NUP42: variants seen among roughly 807,000 people sequenced by gnomAD.
NUP42 encodes nucleoporin 42.
Under a neutral mutation model 35.9 loss-of-function variants are expected in NUP42, and 47 were observed. The ratio of observed to expected loss-of-function variants is 1.31; its 90% CI spans 1.04 to 1.67. The LOEUF (loss-of-function observed/expected upper bound fraction) is 1.67. Ranked by LOEUF, NUP42 falls within the 40% of genes most tolerant of loss-of-function variation. NUP42 has a pLI of 0.00. For missense variants in NUP42, 514 were observed against 492.2 expected (o/e 1.04, Z -0.42); for synonymous variants, 173 against 173.3 (o/e 1.00, Z 0.01).
intron 1 of NUP42, among the ~76,000 whole-genome samples, chr7:23,184,133 G>T (rs1785512178): frequency 6.6e-6 from 1 of 151,998 alleles, no homozygotes; most frequent in Non-Finnish European, 1.5e-5. Context: ...GGCTCATTTT[G>T]ATATTTATGA....
intron 3 of NUP42, among the ~76,000 whole-genome samples, chr7:23,190,495 T>C (rs1039208213): frequency 6.6e-6 from 1 of 152,240 alleles, no homozygotes; most frequent in Admixed American, 6.5e-5. Flanking sequence ...TCATTTCAAA[T>C]GTGGTAATTA....
intron 3 of NUP42, among the ~76,000 whole-genome samples, chr7:23,192,851 C>G (rs1014641571): frequency 6.6e-6 from 1 of 152,096 alleles, no homozygotes; most frequent in African/African-American, 2.4e-5. Context: ...TATATGTATA[C>G]CTATGTGTCC....
At chr7:23,189,187 T>C (rs1473425604) in intron 3 of NUP42, among the ~76,000 whole-genome samples, 1 of 152,176 alleles carries the variant, frequency 6.6e-6, no homozygotes, top group African/African-American at 2.4e-5. Context: ...AAGAAAACAG[T>C]TGATAGTGTT....
rs1338876319 is a variant in NUP42 at position 23,185,245 on chromosome 7, G to A, written c.297G>A (p.Glu99=). 7 of 1,613,990 alleles carry A rather than the reference G, an allele frequency of 4.3e-6. No individual in the cohort carries two copies. The highest frequency in any genetic ancestry group is 5.1e-6 in the Non-Finnish European group (6 of 1,180,024). ...TNRKEGFGLS[E]NPFASLSPDE... The stretch of plus-strand genomic sequence containing the variant: ...GGAAGGAAGGCTTTGGATTGTCTGA[G>A]AACCCATTTGCTTCACTTAGTCCTG... Residue 99 remains glutamate (E), a synonymous_variant, in exon 2 of 7, where the codon GAG becomes GAA. Coordinates refer to ENST00000258742, the MANE Select transcript of NUP42 (RefSeq NM_007342.3).
In NUP42 at chr7:23,185,762, C is replaced by T. The variant is rs547305320; in HGVS notation, c.350+464C>T. 2.2e-4 allele frequency among the ~76,000 whole-genome samples: 33 copies of T among 152,024 alleles called. 1 individual carries two copies. Among genetic ancestry groups the T allele is most frequent in the Non-Finnish European group, 3.8e-4 (26 of 68,010 alleles). ...ATTTATTTATTTATTTATTTTGAGACGGAGTCTTGCTCTGTTGCCCAGGCT... is the reference window on the plus strand; with the variant it reads ...ATTTATTTATTTATTTATTTTGAGATGGAGTCTTGCTCTGTTGCCCAGGCT... On this transcript the variant is annotated intron_variant, in intron 2 of 6. Coordinates refer to ENST00000258742, the MANE Select transcript of NUP42 (RefSeq NM_007342.3).
chr7:23,192,559 A>AAAAG (rs1785834793), intron 3 of NUP42, among the ~76,000 whole-genome samples: 1 of 151,768 alleles, frequency 6.6e-6, no homozygotes, highest in Non-Finnish European at 1.5e-5. Context: ...AAAAAAAAAA[A>AAAAG]AAAAGAAAAA....
Position 23,199,521 on chromosome 7 carries a change from G to T in NUP42, c.673G>T (p.Ala225Ser), listed in dbSNP as rs371504782. The T allele has an allele frequency of 1.7e-5, 27 of 1,613,786 alleles. No individual in the cohort carries two copies. The highest frequency in any genetic ancestry group is 2.3e-5 in the Non-Finnish European group (27 of 1,179,886). Reference protein sequence around the residue: ...APAFGFGSSQAATFMSPGFPV... With the variant: ...APAFGFGSSQSATFMSPGFPV... ...TGCATTTGGATTTGGCAGCAGTCAA[G>T]CAGCAACATTTATGTCGCCAGGTAA... is the stretch of plus-strand genomic sequence containing the variant. The change falls in exon 6 of 7, where the codon GCA becomes TCA. Residue 225 changes from alanine to serine, a missense_variant. Physicochemically the swap from Ala to Ser is moderately conservative, Grantham distance 99 (BLOSUM62 1). Transcript: ENST00000258742.
rs1434848231 is a variant in NUP42 at position 23,182,309 on chromosome 7, C to G, written c.121+103C>G. ...CCCGCTGCTGGTGACCCCAACGTGCCCGCGTCGCGGCCTTGCCGGCCCTAC... is the reference window on the plus strand; with the variant it reads ...CCCGCTGCTGGTGACCCCAACGTGCGCGCGTCGCGGCCTTGCCGGCCCTAC... On this transcript the variant is annotated intron_variant, in intron 1 of 6. Transcript: ENST00000258742. The G allele has an allele frequency of 2.0e-6, 3 of 1,501,444 alleles. No homozygotes were observed. The Admixed American group carries it at 6.5e-5, about 32-fold the overall frequency. 93.0% of individuals were successfully genotyped at this position (1,501,444 alleles called of 1,614,324 possible).
chr7:23,192,088 TAC>T (rs1437778712), intron 3 of NUP42, among the ~76,000 whole-genome samples: 4 of 152,186 alleles, frequency 2.6e-5, no homozygotes, highest in Non-Finnish European at 2.9e-5. Context: ...TCGAAACATA[TAC>T]ACACACAAAC....
intron 3 of NUP42, among the ~76,000 whole-genome samples, chr7:23,189,917 A>G (rs2128473413): frequency 6.6e-6 from 1 of 151,528 alleles, no homozygotes; most frequent in South Asian, 2.1e-4. Flanking sequence ...TGTCTCAAAA[A>G]AAAAAAAAAA....
At position 23,200,027 on chromosome 7, in the gene NUP42, T is replaced by G; in HGVS notation, c.695-141T>G. 7.8e-6 allele frequency: 5 copies of G among 644,214 alleles called. No individual in the cohort carries two copies. In the East Asian group the frequency reaches 1.4e-4, roughly 18 times the overall value. 39.9% of individuals were successfully genotyped at this position (644,214 alleles called of 1,614,324 possible). On this transcript the variant is annotated intron_variant, in intron 6 of 6. Coordinates refer to ENST00000258742, the MANE Select transcript of NUP42 (RefSeq NM_007342.3). Reference sequence around the variant, plus strand: ...TTCTAGCCTCTCATTTTTACTTTCCTCATCTCGTCCGTCCAGTAAGCTTCT... The same window carrying G: ...TTCTAGCCTCTCATTTTTACTTTCCGCATCTCGTCCGTCCAGTAAGCTTCT...
In NUP42 at chr7:23,198,072, C is replaced by G. The variant is rs990170138; in HGVS notation, c.609+1306C>G. 11 of 152,192 alleles carry G rather than the reference C, an allele frequency of 7.2e-5. No individual in the cohort carries two copies. In the East Asian group the frequency reaches 1.9e-3, roughly 27 times the overall value. The allele number at this position is 152,192 out of a possible 1,614,324, so 9.4% of individuals were successfully genotyped here. ...GACCAGCCTGACCAACATGGTGAAA[C>G]CCGGTCTCTACTAAAAATACAAAAA... On this transcript the variant is annotated intron_variant, in intron 5 of 6. Transcript: ENST00000258742.
chr7:23,199,571 C>G (rs770680270), intron 6 of NUP42, 29 bp downstream of exon 6: 1 of 1,559,738 alleles, frequency 6.4e-7, no homozygotes, highest in South Asian at 1.1e-5. Context: ...CAGGACTTCA[C>G]TGATTTAGAA....
At chr7:23,190,930 T>C (rs1374748142) in intron 3 of NUP42, among the ~76,000 whole-genome samples, 1 of 152,158 alleles carries the variant, frequency 6.6e-6, no homozygotes, top group Non-Finnish European at 1.5e-5. Context: ...CTGGAAGGAA[T>C]AGGCAATTAG....
Position 23,200,340 on chromosome 7 carries a change from A to T in NUP42, c.867A>T (p.Gly289=), listed in dbSNP as rs201736904. 12 of 1,610,664 alleles carry T rather than the reference A, an allele frequency of 7.5e-6. No individual in the cohort carries two copies. The East Asian group carries it at 2.5e-4, about 33-fold the overall frequency. The change falls in exon 7 of 7, where the codon GGA becomes GGT. Residue 289 remains glycine (G), a synonymous_variant. Coordinates refer to ENST00000258742, the MANE Select transcript of NUP42 (RefSeq NM_007342.3). The stretch of plus-strand genomic sequence containing the variant: ...TCTCTACTTCTGCTCCAGCTTTTGG[A>T]TTTGGGAAGCCTGAAGTCACATCGG... ...SGISTSAPAF[G]FGKPEVTSAA...
chr7:23,183,510 C>T (rs1051890578), intron 1 of NUP42, among the ~76,000 whole-genome samples: 3 of 152,126 alleles, frequency 2.0e-5, no homozygotes, highest in Non-Finnish European at 4.4e-5. Flanking sequence ...CGTGAGCGAC[C>T]GCGGCGGGCC....
At position 23,200,626 on chromosome 7, in the gene NUP42, G is replaced by A. The variant is rs1398555170; in HGVS notation, c.1153G>A (p.Val385Met). The change falls in exon 7 of 7, where the codon GTG (valine) becomes ATG (methionine). Residue 385 changes from valine to methionine, a missense_variant. Transcript: ENST00000258742. ...AAGCAGCATCATTGCAACAGATAAT[G>A]TGTTATTCACACCCAGAGATAAACT... ...ASSSIIATDN[V>M]LFTPRDKLTV... is the part of the protein sequence containing the mutation. The A allele has an allele frequency of 6.2e-7, 1 of 1,613,992 alleles. No individual in the cohort carries two copies. The highest frequency in any genetic ancestry group is 2.2e-5 in the East Asian group (1 of 44,892).
chr7:23,198,205 C>CTTTTTTTTTTTTTTTTTTTTTT lies in NUP42; in HGVS notation c.610-1249_610-1228dup, dbSNP rs1172738995. 4.1e-5 allele frequency: 3 copies of CTTTTTTTTTTTTTTTTTTTTTT among 73,678 alleles called. 1 individual carries two copies. Among genetic ancestry groups the CTTTTTTTTTTTTTTTTTTTTTT allele is most frequent in the African/African-American group, 1.8e-4 (3 of 16,386 alleles). 4.6% of individuals were successfully genotyped at this position (73,678 alleles called of 1,614,324 possible). ...TTGCAGTCTCAAAAACAAAAGCATT[C>CTTTTTTTTTTTTTTTTTTTTTT]TTTTTTTTTTTTTTTTTTTTTTTTT... On this transcript the variant is annotated intron_variant, in intron 5 of 6. Coordinates refer to ENST00000258742, the MANE Select transcript of NUP42 (RefSeq NM_007342.3).
chr7:23,187,742 G>T (rs1785643885), intron 3 of NUP42, among the ~76,000 whole-genome samples: 1 of 151,618 alleles, frequency 6.6e-6, no homozygotes, highest in Admixed American at 6.6e-5. Flanking sequence ...GAGTAGCTGG[G>T]ATTACAGTTG....
Sources: gnomAD v4.1 joint callset for allele counts (sites outside exome capture counted in the v4.1 genomes callset) on GRCh38, gnomAD v4.1.1 for gene constraint, MANE v1.5 for transcripts, NCBI Gene and HGNC (gene_info 2026-07-23, HGNC 2026-07-21) for gene names.